Variants in CHD2 observed in about 807,000 individuals in gnomAD.
CHD2 encodes the protein ATP-dependent chromatin remodeler CHD2.
A neutral mutation model predicts 243.9 loss-of-function variants in CHD2; 28 were observed. That is an observed-to-expected ratio of 0.11 (90% confidence interval 0.09 to 0.16). The LOEUF is 0.16. CHD2 is among the 10% of genes least tolerant of loss of function. The pLI is 1.00. For synonymous variants in CHD2, 775 were observed against 779.0 expected (o/e 0.99, Z 0.09); for missense variants, 1,386 against 2,209.8 (o/e 0.63, Z 7.47).
At chr15:93,012,526 G>A in intron 36 of CHD2, 82 bp downstream of exon 36, 1 of 955,592 alleles carries the variant, frequency 1.0e-6, no homozygotes. Context: ...TTTTCCATGG[G>A]GAGATGATCA....
chr15:92,985,214 A>G (rs1045332884), intron 25 of CHD2, among the ~76,000 whole-genome samples: 20 of 152,364 alleles, frequency 1.3e-4, no homozygotes, highest in African/African-American at 4.6e-4. Context: ...TTACTTGCCC[A>G]AAGGAGTAAA....
rs1567169679 is a variant in CHD2 at position 93,026,872 on chromosome 15, G to A, written c.*2167G>A. On this transcript the variant is annotated 3_prime_UTR_variant, in exon 39 of 39. Transcript: ENST00000394196. ...CTTCAGGAATGAAAGGAGGGGCAAAGGAGTCACCAGAGGTCCTGCATTTCC... is the reference window on the plus strand; with the variant it reads ...CTTCAGGAATGAAAGGAGGGGCAAAAGAGTCACCAGAGGTCCTGCATTTCC... The A allele has an allele frequency of 1.3e-5, 2 of 152,686 alleles. No homozygotes were observed. Among genetic ancestry groups the A allele is most frequent in the Non-Finnish European group, 2.9e-5 (2 of 68,078 alleles). 9.5% of individuals were successfully genotyped at this position (152,686 alleles called of 1,614,324 possible). A position where few individuals can be genotyped will look rare whatever the true frequency, so the allele number is the denominator to read the frequency against.
At chr15:92,906,113 T>C (rs1288806276) in intron 2 of CHD2, among the ~76,000 whole-genome samples, 1 of 152,242 alleles carries the variant, frequency 6.6e-6, no homozygotes, top group African/African-American at 2.4e-5. Context: ...CTATTAACTG[T>C]TGACAATCTT....
At chr15:92,928,358 C>CA (rs2053103245) in intron 4 of CHD2, among the ~76,000 whole-genome samples, 1 of 152,162 alleles carries the variant, frequency 6.6e-6, no homozygotes. Flanking sequence ...CTGTAGGGTA[C>CA]AAGATTAACA....
At position 92,981,361 on chromosome 15, in the gene CHD2, T is replaced by C. The variant is rs2141847081; in HGVS notation, c.2974-4T>C. 6.2e-7 allele frequency: 1 copy of C among 1,611,500 alleles called. No individual in the cohort carries two copies. Among genetic ancestry groups the C allele is most frequent in the East Asian group, 2.2e-5 (1 of 44,826 alleles). ...TCTATTCGTGTTGGCTTTTGTTCTT[T>C]TAGGAAATGGATATAGATGAAATTT... On this transcript the variant is annotated splice_region_variant and splice_polypyrimidine_tract_variant and intron_variant, in intron 23 of 38. Coordinates refer to ENST00000394196, the MANE Select transcript of CHD2 (RefSeq NM_001271.4).
intron 17 of CHD2, among the ~76,000 whole-genome samples, chr15:92,967,866 G>A (rs985103231): frequency 1.3e-5 from 2 of 151,910 alleles, no homozygotes; most frequent in Admixed American, 6.6e-5. Flanking sequence ...TAACAGTTTC[G>A]TAATATCTAG....
intron 37 of CHD2, among the ~76,000 whole-genome samples, chr15:93,019,389 G>A (rs1239312667): frequency 2.6e-5 from 4 of 152,224 alleles, no homozygotes; most frequent in African/African-American, 7.2e-5. Flanking sequence ...AGAGTGAAAA[G>A]CGGTAGTTGT....
Position 93,000,875 on chromosome 15 carries a change from T to C in CHD2, c.4137+235T>C, listed in dbSNP as rs527354572. Among the ~76,000 whole-genome samples the C allele has an allele frequency of 3.3e-5, 5 of 152,300 alleles. No homozygotes were observed. In the South Asian group the frequency reaches 8.3e-4, roughly 25 times the overall value. On this transcript the variant is annotated intron_variant, in intron 32 of 38. Coordinates refer to ENST00000394196, the MANE Select transcript of CHD2 (RefSeq NM_001271.4). ...GACATTTTTGTTGTTGTTGTTTGTT[T>C]GTTTGTTTTTGAGATGAAGTCTCGC... is the stretch of plus-strand genomic sequence containing the variant.
intron 20 of CHD2, among the ~76,000 whole-genome samples, chr15:92,976,729 T>C (rs891373855): frequency 6.6e-6 from 1 of 151,446 alleles, no homozygotes; most frequent in African/African-American, 2.4e-5. Flanking sequence ...AGCAAGACCC[T>C]ATCTCTACAA....
intron 20 of CHD2, 198 bp from the exon 21 acceptor site, chr15:92,978,036 A>G (rs1356990869): frequency 3.3e-6 from 2 of 604,704 alleles, no homozygotes; most frequent in Non-Finnish European, 5.9e-6. Flanking sequence ...TGTTCATGGC[A>G]CTGACTTTGC....
chr15:92,966,435 G>GT (rs1246615579), intron 16 of CHD2, among the ~76,000 whole-genome samples: 9 of 152,076 alleles, frequency 5.9e-5, no homozygotes, highest in Non-Finnish European at 1.5e-5. Context: ...TGTTCTTGGA[G>GT]TATTTGCTTA....
intron 2 of CHD2, among the ~76,000 whole-genome samples, chr15:92,905,451 T>G (rs913347332): frequency 1.3e-5 from 2 of 152,234 alleles, no homozygotes; most frequent in African/African-American, 4.8e-5. Context: ...AAAGTTTTTT[T>G]CCTGCCATAC....
At chr15:92,995,174 T>G (rs900675876) in intron 28 of CHD2, among the ~76,000 whole-genome samples, 2 of 152,078 alleles carry the variant, frequency 1.3e-5, no homozygotes, top group Admixed American at 1.3e-4. Flanking sequence ...AGTCAAAATA[T>G]ATGTTTAAAT....
intron 35 of CHD2, among the ~76,000 whole-genome samples, chr15:93,010,024 C>T (rs953982393): frequency 5.9e-5 from 9 of 152,162 alleles, no homozygotes; most frequent in Non-Finnish European, 8.8e-5. Flanking sequence ...TTCTATCCCT[C>T]AGCCCCCTTC....
At chr15:92,903,140 A>C (rs766914962) in intron 2 of CHD2, among the ~76,000 whole-genome samples, 1 of 152,226 alleles carries the variant, frequency 6.6e-6, no homozygotes, top group African/African-American at 2.4e-5. Flanking sequence ...CCTAAATTTC[A>C]TATCTTAATA....
At chr15:92,920,883 T>A (rs1176650950) in intron 2 of CHD2, among the ~76,000 whole-genome samples, 3 of 152,224 alleles carry the variant, frequency 2.0e-5, no homozygotes, top group African/African-American at 7.2e-5. Context: ...ATGCTTAGTT[T>A]GCAAGTTTAT....
At chr15:93,019,734 G>A (rs538026533) in intron 37 of CHD2, among the ~76,000 whole-genome samples, 8 of 152,264 alleles carry the variant, frequency 5.3e-5, no homozygotes, top group African/African-American at 1.4e-4. Context: ...AGGAGTTTGA[G>A]ACCAGCCTAG....
chr15:92,919,164 C>T (rs556846911), intron 2 of CHD2, among the ~76,000 whole-genome samples: 1 of 150,504 alleles, frequency 6.6e-6, no homozygotes, highest in Non-Finnish European at 1.5e-5. Context: ...CCCATAATTA[C>T]ACTTTTTTTT....
chr15:92,940,384 T>G (rs2053339954), intron 7 of CHD2, among the ~76,000 whole-genome samples: 2 of 151,898 alleles, frequency 1.3e-5, no homozygotes, highest in Non-Finnish European at 2.9e-5. Flanking sequence ...GAGATGGAGG[T>G]TGCAGTGAGT....
Sources: allele counts gnomAD v4.1 joint callset (sites outside exome capture counted in the v4.1 genomes callset), GRCh38; gene constraint gnomAD v4.1.1; transcripts MANE v1.5; gene names NCBI Gene and HGNC (gene_info 2026-07-23, HGNC 2026-07-21).